Variants in ITGA9 observed in about 807,000 individuals in gnomAD.
The protein encoded by ITGA9 is integrin alpha-9.
In ITGA9, 56 loss-of-function variants were observed where a neutral mutation model predicts 127.8. The observed-to-expected ratio is 0.44, with a 90% CI of 0.35 to 0.55. ITGA9 has a LOEUF of 0.55. ITGA9 is among the 20% of genes least tolerant of loss of function. The pLI, the probability that ITGA9 is intolerant of heterozygous loss-of-function variation, is 0.00. For missense variants in ITGA9, 1,196 were observed against 1,347.1 expected, an observed-to-expected ratio of 0.89 and a Z score of 1.76; for synonymous variants, 508 against 514.5, an observed-to-expected ratio of 0.99 and a Z score of 0.17.
At chr3:37,554,453 C>T (rs1405710534) in intron 15 of ITGA9, among the ~76,000 whole-genome samples, 1 of 151,782 alleles carries the variant, frequency 6.6e-6, no homozygotes, top group African/African-American at 2.4e-5. Context: ...GAAGGATTTG[C>T]CTTTACTCAG....
At chr3:37,690,342 A>G (rs1170768883) in intron 18 of ITGA9, among the ~76,000 whole-genome samples, 1 of 152,190 alleles carries the variant, frequency 6.6e-6, no homozygotes, top group Non-Finnish European at 1.5e-5. Flanking sequence ...AGATGTCAGG[A>G]CATTTTAGAA....
chr3:37,666,847 T>C (rs1157389051), intron 17 of ITGA9, among the ~76,000 whole-genome samples: 2 of 152,202 alleles, frequency 1.3e-5, no homozygotes, highest in African/African-American at 4.8e-5. Context: ...ATTGGCACTT[T>C]GTCCTGCAGG....
intron 11 of ITGA9, among the ~76,000 whole-genome samples, chr3:37,519,923 T>G (rs17036510): frequency 6.6e-6 from 1 of 152,212 alleles, no homozygotes; most frequent in African/African-American, 2.4e-5. Context: ...AAGGAAGTCA[T>G]GCTCTCAGCA....
At chr3:37,473,929 A>C (rs1358082585) in intron 3 of ITGA9, among the ~76,000 whole-genome samples, 1 of 152,116 alleles carries the variant, frequency 6.6e-6, no homozygotes, top group African/African-American at 2.4e-5. Flanking sequence ...TGTATAATAC[A>C]TTACTTTTGC....
At chr3:37,761,689 C>T (rs1696724848) in intron 23 of ITGA9, among the ~76,000 whole-genome samples, 1 of 152,198 alleles carries the variant, frequency 6.6e-6, no homozygotes, top group South Asian at 2.1e-4. Flanking sequence ...TTGACGTTCA[C>T]TCTTAACAGT....
At position 37,452,595 on chromosome 3, in the gene ITGA9, G is replaced by A. The variant is rs1336300016; in HGVS notation, c.185+36G>A. The A allele has an allele frequency of 4.7e-6, 7 of 1,477,696 alleles. No individual in the cohort carries two copies. In the East Asian group the frequency reaches 1.8e-4, roughly 38 times the overall value. 91.5% of individuals were successfully genotyped at this position (1,477,696 alleles called of 1,614,324 possible). A position where few individuals can be genotyped will look rare whatever the true frequency, so the allele number is the denominator to read the frequency against. On this transcript the variant is annotated intron_variant, in intron 1 of 27. Coordinates refer to ENST00000264741, the MANE Select transcript of ITGA9 (RefSeq NM_002207.3). This position sits in a 1 kb window ranked among gnomAD's most constrained non-coding sequence, Gnocchi z 7.3. ...GCCCGACTCCGCGACCCTGGCCCGC[G>A]CGGCCACCGCCCCGGCCCCCAGGCC...
chr3:37,523,641 G>A (rs907030690), intron 12 of ITGA9, 30 bp downstream of exon 12: 2 of 1,324,562 alleles, frequency 1.5e-6, no homozygotes, highest in Non-Finnish European at 2.2e-6. Flanking sequence ...AGGCACATGA[G>A]ATAAATGAAG....
chr3:37,525,681 C>T (rs779948330), intron 12 of ITGA9, among the ~76,000 whole-genome samples: 5 of 152,044 alleles, frequency 3.3e-5, no homozygotes, highest in Admixed American at 1.3e-4. Flanking sequence ...CCAATATAGC[C>T]AACATATTAT....
At chr3:37,740,823 C>G (rs377388561) in intron 20 of ITGA9, among the ~76,000 whole-genome samples, 1 of 152,134 alleles carries the variant, frequency 6.6e-6, no homozygotes, top group East Asian at 1.9e-4. Flanking sequence ...CTTTCTCACC[C>G]GGAGGCCTTA....
Position 37,814,260 on chromosome 3 carries a change from C to T in ITGA9, c.3010-4631C>T, listed in dbSNP as rs892945701. Among the ~76,000 whole-genome samples the T allele has an allele frequency of 5.9e-5, 9 of 152,108 alleles. No homozygotes were observed. Among genetic ancestry groups the T allele is most frequent in the South Asian group, 4.1e-4 (2 of 4,832 alleles). On this transcript the variant is annotated intron_variant, in intron 27 of 27. Coordinates refer to ENST00000264741, the MANE Select transcript of ITGA9 (RefSeq NM_002207.3). This position sits in a 1 kb window ranked among gnomAD's most constrained non-coding sequence, Gnocchi z 4.3. ...AGGCAGAGACGAAGACACTATGGCT[C>T]GAAGCCAGAAAATAACCTTCCCAGG... is the stretch of plus-strand genomic sequence containing the variant.
intron 26 of ITGA9, among the ~76,000 whole-genome samples, chr3:37,787,075 C>T (rs1697050569): frequency 6.6e-6 from 1 of 152,178 alleles, no homozygotes; most frequent in Non-Finnish European, 1.5e-5. Context: ...GCCTTCTGGC[C>T]ATTTAACTGC....
intron 8 of ITGA9, among the ~76,000 whole-genome samples, chr3:37,510,566 A>T (rs1698894045): frequency 6.6e-6 from 1 of 152,078 alleles, no homozygotes; most frequent in South Asian, 2.1e-4. Context: ...GGGTGGTGCA[A>T]GGAGGATGAG....
chr3:37,614,334 T>C (rs201742213), intron 15 of ITGA9, among the ~76,000 whole-genome samples: 19,867 of 151,742 alleles, frequency 0.13, 1,744 homozygotes, highest in East Asian at 0.28. Context: ...ATCTCTGTTT[T>C]GGTACCAGTA....
At chr3:37,517,679 C>A in intron 10 of ITGA9, 70 bp downstream of exon 10, 1 of 1,125,292 alleles carries the variant, frequency 8.9e-7, no homozygotes, top group Non-Finnish European at 1.3e-6. Context: ...GAGGGGCAGC[C>A]TGCTCGCTGA....
At chr3:37,785,432 C>A (rs1471776341) in intron 26 of ITGA9, among the ~76,000 whole-genome samples, 2 of 152,150 alleles carry the variant, frequency 1.3e-5, no homozygotes, top group African/African-American at 4.8e-5. Context: ...CAGACCACAT[C>A]TGCCTTACCC....
intron 15 of ITGA9, among the ~76,000 whole-genome samples, chr3:37,562,912 A>G (rs1278692588): frequency 1.3e-5 from 2 of 151,822 alleles, no homozygotes; most frequent in African/African-American, 4.8e-5. Flanking sequence ...CATGAATTCA[A>G]AGAGGTTTGG....
intron 16 of ITGA9, among the ~76,000 whole-genome samples, chr3:37,644,989 A>G (rs1256360524): frequency 6.6e-6 from 1 of 152,252 alleles, no homozygotes; most frequent in Non-Finnish European, 1.5e-5. Flanking sequence ...ATAACGTGCC[A>G]CATGAAGGGC....
In ITGA9 at chr3:37,533,444, G is replaced by A. The variant is rs2125587016; in HGVS notation, c.1504G>A (p.Gly502Ser). 1.2e-6 allele frequency: 2 copies of A among 1,614,134 alleles called. No homozygotes were observed. The highest frequency in any genetic ancestry group is 4.5e-5 in the East Asian group (2 of 44,878). The change falls in exon 14 of 28, where the codon GGC becomes AGC. Residue 502 changes from glycine to serine, a missense_variant. By Grantham distance (56) the Gly-to-Ser change is moderately conservative. Transcript: ENST00000264741. ...CGTCACCACCTGCTTCAGCTTCCATGGCAAACACGTTCCAGGAGAGATTGG... is the reference window on the plus strand; with the variant it reads ...CGTCACCACCTGCTTCAGCTTCCATAGCAAACACGTTCCAGGAGAGATTGG... Reference protein sequence around the residue: ...LNVTTCFSFHGKHVPGEIGLN... With the variant: ...LNVTTCFSFHSKHVPGEIGLN...
At chr3:37,784,726 C>T (rs1488008127) in intron 25 of ITGA9, among the ~76,000 whole-genome samples, 2 of 152,214 alleles carry the variant, frequency 1.3e-5, no homozygotes, top group Non-Finnish European at 2.9e-5. Flanking sequence ...CCACAGCACA[C>T]ATCTTGCGTG....
Sources: gnomAD v4.1 joint callset for allele counts (sites outside exome capture counted in the v4.1 genomes callset) on GRCh38, gnomAD v4.1.1 for gene constraint, Gnocchi (gnomAD v3.1) non-coding constraint, MANE v1.5 for transcripts, NCBI Gene and HGNC (gene_info 2026-07-23, HGNC 2026-07-21) for gene names.